TPTE2: variants seen among roughly 807,000 people sequenced by gnomAD.
The protein encoded by TPTE2 is transmembrane phosphoinositide 3-phosphatase and tensin homolog 2, also known as phosphatidylinositol 3,4,5-trisphosphate 3-phosphatase TPTE2.
In TPTE2, 53 loss-of-function variants were observed where a neutral mutation model predicts 78.6. The observed-to-expected ratio is 0.67, with a 90% CI of 0.54 to 0.85. The LOEUF (loss-of-function observed/expected upper bound fraction) is 0.85, where lower values mean the gene tolerates loss of function less well. TPTE2 is among the 40% of genes least tolerant of loss of function. The probability of loss-of-function intolerance (pLI) is 0.00; values close to 1 mark genes in which losing one functional copy is unlikely to be tolerated. For synonymous variants in TPTE2, 175 were observed against 206.2 expected, an observed-to-expected ratio of 0.85 and a Z score of 1.30; for missense variants, 461 against 623.0, an observed-to-expected ratio of 0.74 and a Z score of 2.77.
chr13:19,459,167 T>G (rs1190161140), intron 10 of TPTE2, among the ~76,000 whole-genome samples: 3 of 152,196 alleles, frequency 2.0e-5, no homozygotes, highest in Non-Finnish European at 4.4e-5. Context: ...TCTTTAATGA[T>G]CAGTGATGTT....
At chr13:19,516,007 G>T (rs543190216) in intron 1 of TPTE2, among the ~76,000 whole-genome samples, 1 of 152,340 alleles carries the variant, frequency 6.6e-6, no homozygotes, top group South Asian at 2.1e-4. Flanking sequence ...CTGCTTTGGG[G>T]CACAGAATGA....
At chr13:19,547,859 C>T in the TPTE2 span, among the ~76,000 whole-genome samples, 3,803 of 150,204 alleles carry the variant, frequency 0.025, 68 homozygotes, top group Non-Finnish European at 0.039. Context: ...CTATCGACAA[C>T]GGTTATTTCA....
chr13:19,492,900 T>G, exon 3 of TPTE2: 1 of 1,613,982 alleles, frequency 6.2e-7, no homozygotes, highest in Non-Finnish European at 8.5e-7. Flanking sequence ...CACTTGTGTG[T>G]GGGCTAGAGG....
intron 7 of TPTE2, among the ~76,000 whole-genome samples, chr13:19,466,441 C>T (rs1419930868): frequency 6.6e-6 from 1 of 152,144 alleles, no homozygotes; most frequent in Non-Finnish European, 1.5e-5. Flanking sequence ...AAGAAATCAG[C>T]TATTTGACCC....
intron 6 of TPTE2, among the ~76,000 whole-genome samples, chr13:19,467,671 T>G (rs1008754004): frequency 1.2e-4 from 18 of 152,186 alleles, no homozygotes; most frequent in African/African-American, 4.3e-4. Context: ...CATTTATCAT[T>G]CACGTTACAA....
chr13:19,478,738 T>G (rs1479462225), intron 4 of TPTE2, among the ~76,000 whole-genome samples: 9 of 152,006 alleles, frequency 5.9e-5, no homozygotes, highest in Non-Finnish European at 1.2e-4. Flanking sequence ...CTATTCACAA[T>G]AGCAAAGACT....
At chr13:19,435,859 G>C (rs1466996280) in intron 15 of TPTE2, among the ~76,000 whole-genome samples, 2 of 151,984 alleles carry the variant, frequency 1.3e-5, no homozygotes, top group Non-Finnish European at 2.9e-5. Context: ...GTAAGGGTTT[G>C]TGAAAGACTT....
intron 1 of TPTE2, among the ~76,000 whole-genome samples, chr13:19,531,612 A>T (rs528471621): frequency 7.1e-6 from 1 of 141,174 alleles, no homozygotes; most frequent in African/African-American, 2.5e-5. Context: ...ATAATAACAT[A>T]ACAATTAGGT....
chr13:19,560,768 A>G, the TPTE2 span: 1 of 1,465,780 alleles, frequency 6.8e-7, no homozygotes, highest in East Asian at 2.4e-5. Flanking sequence ...GCGCCCGGGA[A>G]GGGCAGCGGG....
chr13:19,428,694 A>G (rs942358759), intron 17 of TPTE2, among the ~76,000 whole-genome samples: 2 of 151,958 alleles, frequency 1.3e-5, no homozygotes, highest in African/African-American at 4.8e-5. Context: ...ATGCCACTGC[A>G]CTACAGCCTG....
chr13:19,508,504 T>A (rs112084412), intron 1 of TPTE2, among the ~76,000 whole-genome samples: 4 of 152,162 alleles, frequency 2.6e-5, no homozygotes, highest in African/African-American at 9.6e-5. Flanking sequence ...AAGCCTTAAC[T>A]GTAAAAGTAT....
At chr13:19,454,599 C>T (rs1462086270) in intron 10 of TPTE2, among the ~76,000 whole-genome samples, 2 of 152,146 alleles carry the variant, frequency 1.3e-5, no homozygotes, top group African/African-American at 4.8e-5. Context: ...TATTAAAACA[C>T]ATGATTACCT....
At chr13:19,480,189 T>A (rs1329380908) in intron 4 of TPTE2, among the ~76,000 whole-genome samples, 1 of 152,126 alleles carries the variant, frequency 6.6e-6, no homozygotes, top group African/African-American at 2.4e-5. Flanking sequence ...CACGTTTTTC[T>A]CTGGTACAGA....
At chr13:19,459,786 T>C (rs1271949545) in intron 10 of TPTE2, among the ~76,000 whole-genome samples, 2 of 152,162 alleles carry the variant, frequency 1.3e-5, no homozygotes, top group Admixed American at 6.5e-5. Context: ...AAGCCAGCTG[T>C]GCTGTGTTGT....
At chr13:19,549,356 C>T in the TPTE2 span, among the ~76,000 whole-genome samples, 10 of 152,030 alleles carry the variant, frequency 6.6e-5, no homozygotes, top group Admixed American at 2.0e-4. Flanking sequence ...CATGAACAGA[C>T]GATTCTCAAA....
At chr13:19,425,472 A>C (rs1875961488) in intron 18 of TPTE2, among the ~76,000 whole-genome samples, 1 of 152,090 alleles carries the variant, frequency 6.6e-6, no homozygotes, top group South Asian at 2.1e-4. Context: ...ACCTCCTCCC[A>C]GTTTCTCCAT....
upstream of TPTE2, chr13:19,536,887 CAATT>C (rs1871242927): frequency 6.6e-6 from 1 of 150,656 alleles, no homozygotes; most frequent in African/African-American, 2.4e-5. Flanking sequence ...TACATATACA[CAATT>C]ATTTATATAT....
At chr13:19,561,494 C>T in the TPTE2 span, among the ~76,000 whole-genome samples, 1 of 152,054 alleles carries the variant, frequency 6.6e-6, no homozygotes, top group Admixed American at 6.5e-5. Context: ...CGCGGGAGAC[C>T]GCTACCAGGT....
At chr13:19,476,749 C>T (rs1237045086) in intron 4 of TPTE2, among the ~76,000 whole-genome samples, 2 of 152,136 alleles carry the variant, frequency 1.3e-5, no homozygotes, top group Non-Finnish European at 2.9e-5. Flanking sequence ...AAAGGGAACA[C>T]TTATACATTG....
Sources: allele counts gnomAD v4.1 joint callset (sites outside exome capture counted in the v4.1 genomes callset), GRCh38; gene constraint gnomAD v4.1.1; transcripts MANE v1.5; gene names NCBI Gene and HGNC (gene_info 2026-07-23, HGNC 2026-07-21).